AAK1: variants seen among roughly 807,000 people sequenced by gnomAD.
AAK1 encodes AP2-associated protein kinase 1.
A neutral mutation model predicts 116.0 loss-of-function variants in AAK1; 37 were observed. That is an observed-to-expected ratio of 0.32 (90% CI 0.25 to 0.42). AAK1 has a LOEUF of 0.42. Among genes scored for constraint, AAK1 ranks in the 10% least tolerant of loss-of-function variants. AAK1 has a pLI of 1.00. For missense variants in AAK1, 919 were observed against 1,170.6 expected (o/e 0.79, Z 3.14); for synonymous variants, 458 against 439.9 (o/e 1.04, Z -0.51).
rs776399380 is a variant in AAK1, at chr2:69,509,435, G to C, written c.1802C>G (p.Pro601Arg). ...PAIQAPVRQQ[P>R]KVQTTPPPAV... ...AGGAGGTGGGGTTGTCTGAACCTTTGGCTGTTGTCTTACTGGGGCTTGAAT... is the reference window on the plus strand; with the variant it reads ...AGGAGGTGGGGTTGTCTGAACCTTTCGCTGTTGTCTTACTGGGGCTTGAAT... The change falls in exon 14 of 22, where the codon CCA (proline) becomes CGA (arginine). Residue 601 changes from proline (P) to arginine (R), a missense_variant. Physicochemically the swap from Pro to Arg is moderately radical, Grantham distance 103. This residue lies in a region of AAK1 where 125 missense variants were observed against 184.1 expected (regional missense o/e 0.68). Transcript: ENST00000409085. 6.2e-7 allele frequency: 1 copy of C among 1,613,774 alleles called. No individual in the cohort carries two copies.
chr2:69,467,845 G>C lies in AAK1; in HGVS notation c.*8024C>G. ...ACTTAGAGACATTACATTGTAAAGA[G>C]AATGTAGAGAGAGGTCTGAACATTT... On this transcript the variant is annotated 3_prime_UTR_variant, in exon 22 of 22. Transcript: ENST00000409085. 2 of 985,298 alleles carry C rather than the reference G, an allele frequency of 2.0e-6. No homozygotes were observed. Among genetic ancestry groups the C allele is most frequent in the Non-Finnish European group, 2.4e-6 (2 of 829,808 alleles). 61.0% of individuals were successfully genotyped at this position (985,298 alleles called of 1,614,324 possible).
chr2:69,496,918 C>A (rs1248830564), intron 16 of AAK1, among the ~76,000 whole-genome samples: 1 of 152,136 alleles, frequency 6.6e-6, no homozygotes, highest in East Asian at 1.9e-4. Context: ...AAGCCCTAAT[C>A]TCTGTACTAT....
chr2:69,521,106 G>T, intron 10 of AAK1, 118 bp from the exon 11 acceptor site: 1 of 1,112,052 alleles, frequency 9.0e-7, no homozygotes, highest in Non-Finnish European at 1.3e-6. Context: ...CTGTTTAATC[G>T]ATGCTTCCCA....
intron 17 of AAK1, among the ~76,000 whole-genome samples, chr2:69,491,218 T>A (rs914975370): frequency 2.6e-5 from 4 of 152,134 alleles, no homozygotes; most frequent in Admixed American, 6.5e-5. Flanking sequence ...GTGCTGAGAT[T>A]ATAGGCATGA....
intron 16 of AAK1, among the ~76,000 whole-genome samples, chr2:69,501,573 G>A (rs888730375): frequency 6.6e-6 from 1 of 152,114 alleles, no homozygotes. Context: ...GAAAATGACT[G>A]TCAAATTGTG....
In AAK1 at chr2:69,638,456, G is replaced by A. The variant is rs551451230; in HGVS notation, c.163+4422C>T. ...CACGGGGCTGAGGCACAGGAGGGGAGCCGTGCATTCTTGGTACCTATTCAT... is the reference window on the plus strand; with the variant it reads ...CACGGGGCTGAGGCACAGGAGGGGAACCGTGCATTCTTGGTACCTATTCAT... On this transcript the variant is annotated intron_variant, in intron 2 of 21. Coordinates refer to ENST00000409085, the MANE Select transcript of AAK1 (RefSeq NM_014911.5). Among the ~76,000 whole-genome samples, 3 of 152,264 alleles carry A rather than the reference G, an allele frequency of 2.0e-5. No individual in the cohort carries two copies. In the South Asian group the frequency reaches 6.2e-4, roughly 32 times the overall value.
At chr2:69,607,544 C>T (rs987145448) in intron 2 of AAK1, among the ~76,000 whole-genome samples, 7 of 152,100 alleles carry the variant, frequency 4.6e-5, no homozygotes, top group Admixed American at 2.0e-4. Context: ...TTATCAAACA[C>T]GGGTAACGAC....
At chr2:69,559,953 G>A (rs961638767) in intron 2 of AAK1, among the ~76,000 whole-genome samples, 13 of 152,160 alleles carry the variant, frequency 8.5e-5, no homozygotes, top group African/African-American at 1.7e-4. Flanking sequence ...TGGGTCAGTC[G>A]CCTACCATGC....
rs1674757568 is a variant in AAK1, at chr2:69,473,775, T to C, written c.*2094A>G. 1 of 981,460 alleles carries C rather than the reference T, an allele frequency of 1.0e-6. No individual in the cohort carries two copies. Among genetic ancestry groups the C allele is most frequent in the Non-Finnish European group, 1.2e-6 (1 of 825,932 alleles). 60.8% of individuals were successfully genotyped at this position (981,460 alleles called of 1,614,324 possible). On this transcript the variant is annotated 3_prime_UTR_variant, in exon 22 of 22. Coordinates refer to ENST00000409085, the MANE Select transcript of AAK1 (RefSeq NM_014911.5). ...ATGAAAACATAGAACTCAAACATTA[T>C]TCTTATTTAAAAATAAACATTTCCT...
intron 2 of AAK1, among the ~76,000 whole-genome samples, chr2:69,637,682 T>TG (rs1675507960): frequency 6.6e-6 from 1 of 152,166 alleles, no homozygotes; most frequent in Non-Finnish European, 1.5e-5. Context: ...CTTGAAAGGG[T>TG]GCAAGATGAA....
At chr2:69,626,117 C>T (rs1009863042) in intron 2 of AAK1, among the ~76,000 whole-genome samples, 3 of 152,266 alleles carry the variant, frequency 2.0e-5, no homozygotes, top group Admixed American at 6.5e-5. Flanking sequence ...CATGACCTCC[C>T]ATCCCTTCTT....
chr2:69,515,659 C>T (rs1676550729), intron 12 of AAK1, among the ~76,000 whole-genome samples: 1 of 152,164 alleles, frequency 6.6e-6, no homozygotes, highest in Non-Finnish European at 1.5e-5. Flanking sequence ...CTAATCCCCA[C>T]TGTTAGGGGC....
In AAK1 at chr2:69,475,596, T is replaced by G; in HGVS notation, c.*273A>C. The G allele has an allele frequency of 8.4e-7, 1 of 1,187,944 alleles. No individual in the cohort carries two copies. 73.6% of individuals were successfully genotyped at this position (1,187,944 alleles called of 1,614,324 possible). A position where few individuals can be genotyped will look rare whatever the true frequency, so the allele number is the denominator to read the frequency against. Reference sequence around the variant, plus strand: ...TCCAGCAGAGGTGAAGCTCATGGCATCTAGTGCTTGATTTAAGATAATGCT... The same window carrying G: ...TCCAGCAGAGGTGAAGCTCATGGCAGCTAGTGCTTGATTTAAGATAATGCT... On this transcript the variant is annotated 3_prime_UTR_variant, in exon 22 of 22. Transcript: ENST00000409085.
At chr2:69,519,818 A>C (rs1669684030) in intron 11 of AAK1, among the ~76,000 whole-genome samples, 1 of 152,242 alleles carries the variant, frequency 6.6e-6, no homozygotes, top group Admixed American at 6.5e-5. Context: ...ACAAAGCATT[A>C]AAGAAACAAT....
intron 3 of AAK1, among the ~76,000 whole-genome samples, chr2:69,547,939 T>C (rs1261763920): frequency 6.6e-6 from 1 of 152,220 alleles, no homozygotes; most frequent in African/African-American, 2.4e-5. Context: ...CTATGACATG[T>C]ATCAAGGACA....
intron 11 of AAK1, among the ~76,000 whole-genome samples, chr2:69,520,422 G>A (rs181220591): frequency 4.0e-5 from 6 of 148,332 alleles, no homozygotes; most frequent in African/African-American, 1.0e-4. Flanking sequence ...GCAATGGCAC[G>A]GTCTTGGCTC....
intron 15 of AAK1, among the ~76,000 whole-genome samples, chr2:69,506,655 C>T (rs1216571978): frequency 6.6e-6 from 1 of 152,158 alleles, no homozygotes; most frequent in African/African-American, 2.4e-5. Flanking sequence ...TGAGCCACCA[C>T]ACCTGGATTG....
intron 2 of AAK1, among the ~76,000 whole-genome samples, chr2:69,558,855 G>A (rs1431286602): frequency 2.0e-5 from 3 of 152,128 alleles, no homozygotes; most frequent in Non-Finnish European, 4.4e-5. Context: ...TTCCCCCAAG[G>A]CTCAGCGGCA....
intron 2 of AAK1, among the ~76,000 whole-genome samples, chr2:69,620,138 C>A (rs1056678225): frequency 6.6e-6 from 1 of 152,174 alleles, no homozygotes; most frequent in South Asian, 2.1e-4. Flanking sequence ...CCCAGAGAGA[C>A]AGCAACGAAG....
Sources: gnomAD v4.1 joint callset for allele counts (sites outside exome capture counted in the v4.1 genomes callset) on GRCh38, gnomAD v4.1.1 for gene constraint, gnomAD v4.1.1 regional missense constraint, MANE v1.5 for transcripts, NCBI Gene and HGNC (gene_info 2026-07-23, HGNC 2026-07-21) for gene names.